CNBD1: variants seen among roughly 807,000 people sequenced by gnomAD.
The protein encoded by CNBD1 is cyclic nucleotide binding domain containing 1.
Under a neutral mutation model 54.4 loss-of-function variants are expected in CNBD1, and 71 were observed. The observed-to-expected ratio is 1.30, with a 90% CI of 1.08 to 1.59. The LOEUF (loss-of-function observed/expected upper bound fraction) is 1.59. Ranked by LOEUF, CNBD1 falls within the 40% of genes most tolerant of loss-of-function variation. The pLI is 0.00. For missense variants in CNBD1, 659 were observed against 518.0 expected, an observed-to-expected ratio of 1.27 and a Z score of -2.64; for synonymous variants, 182 against 170.7, an observed-to-expected ratio of 1.07 and a Z score of -0.51.
At chr8:86,871,845 T>C (rs774241748) in intron 1 of CNBD1, among the ~76,000 whole-genome samples, 3 of 152,206 alleles carry the variant, frequency 2.0e-5, no homozygotes, top group African/African-American at 4.8e-5. Flanking sequence ...AGGTTCAAGG[T>C]AGTGAGAGTC....
intron 4 of CNBD1, among the ~76,000 whole-genome samples, chr8:87,023,939 TTGAAA>T (rs1809542529): frequency 6.6e-6 from 1 of 152,160 alleles, no homozygotes; most frequent in Non-Finnish European, 1.5e-5. Flanking sequence ...TCATTTCGTA[TTGAAA>T]GAGACCTAGC....
At chr8:87,418,889 T>A (rs2130991161) in intron 2 of CNBD1, among the ~76,000 whole-genome samples, 1 of 152,040 alleles carries the variant, frequency 6.6e-6, no homozygotes, top group East Asian at 1.9e-4. Flanking sequence ...TGGAAAATAC[T>A]TTGGCAGTCC....
intron 3 of CNBD1, among the ~76,000 whole-genome samples, chr8:86,913,085 T>C: frequency 6.6e-6 from 1 of 152,186 alleles, no homozygotes; most frequent in Admixed American, 6.5e-5. Context: ...TTAAACACAA[T>C]GAAAAATCTT....
At chr8:87,300,842 G>T (rs1256807554) in intron 8 of CNBD1, among the ~76,000 whole-genome samples, 5 of 151,832 alleles carry the variant, frequency 3.3e-5, no homozygotes, top group Admixed American at 1.3e-4. Context: ...TTTAAAGAGG[G>T]ACAACAAATA....
intron 4 of CNBD1, among the ~76,000 whole-genome samples, chr8:86,998,252 C>T (rs1808921153): frequency 6.6e-6 from 1 of 151,120 alleles, no homozygotes; most frequent in South Asian, 2.1e-4. Context: ...TAACATTGAA[C>T]TCACAGCTGG....
intron 4 of CNBD1, among the ~76,000 whole-genome samples, chr8:87,099,159 G>A (rs1184225096): frequency 6.6e-6 from 1 of 151,436 alleles, no homozygotes; most frequent in Admixed American, 6.6e-5. Flanking sequence ...GAATATCAGC[G>A]CTATTGTAGA....
intron 8 of CNBD1, among the ~76,000 whole-genome samples, chr8:87,329,466 G>T (rs971805824): frequency 6.6e-6 from 1 of 152,016 alleles, no homozygotes; most frequent in Non-Finnish European, 1.5e-5. Context: ...AATTGATATT[G>T]CATAGCATCT....
In CNBD1 at chr8:86,926,065, C is replaced by T. The variant is rs560491275; in HGVS notation, c.273-13531C>T. 2.0e-5 allele frequency among the ~76,000 whole-genome samples: 3 copies of T among 152,182 alleles called. No individual in the cohort carries two copies. In the East Asian group the frequency reaches 5.8e-4, roughly 29 times the overall value. The stretch of plus-strand genomic sequence containing the variant: ...CTATCAGAGTGCGCTTTTTTCAATC[C>T]TCCCCATGATTGGCTACTTTTAGAA... On this transcript the variant is annotated intron_variant, in intron 3 of 10. Coordinates refer to ENST00000518476, the MANE Select transcript of CNBD1 (RefSeq NM_173538.3).
intron 6 of CNBD1, among the ~76,000 whole-genome samples, chr8:87,271,930 A>T (rs1283962904): frequency 1.3e-5 from 2 of 152,086 alleles, no homozygotes; most frequent in East Asian, 3.9e-4. Context: ...CAGCCATAAA[A>T]AAATAAAATC....
rs78332887 is a variant in CNBD1 at position 87,420,689 on chromosome 8, A to G, written c.214-7857A>G. ...TTTGCTATTTAAATATAATGTAATA[A>G]TAATGCTTTAGGCACAACTGATTCC... On this transcript the variant is annotated intron_variant, in intron 2 of 7. Coordinates refer to the CNBD1 transcript ENST00000521593. 5.1e-3 allele frequency among the ~76,000 whole-genome samples: 779 copies of G among 151,948 alleles called. 6 individuals are homozygous for G. The highest frequency in any genetic ancestry group is 0.018 in the African/African-American group (736 of 41,456).
At chr8:87,413,051 T>C (rs1386595513) in intron 2 of CNBD1, among the ~76,000 whole-genome samples, 1 of 151,944 alleles carries the variant, frequency 6.6e-6, no homozygotes, top group Non-Finnish European at 1.5e-5. Flanking sequence ...GGAGGGTATG[T>C]ATTCTAAAAG....
In CNBD1 at chr8:86,889,166, G is replaced by T. The variant is rs181344102; in HGVS notation, c.158+1555G>T. Reference sequence around the variant, plus strand: ...GGGGCCTGGGGGAACAGGTTTTAAGGTATGTGTATATAGGTTTTGCATCAT... The same window carrying T: ...GGGGCCTGGGGGAACAGGTTTTAAGTTATGTGTATATAGGTTTTGCATCAT... On this transcript the variant is annotated intron_variant, in intron 2 of 10. Transcript: ENST00000518476. Among the ~76,000 whole-genome samples, 145 of 152,194 alleles carry T rather than the reference G, an allele frequency of 9.5e-4. No individual in the cohort carries two copies. The Middle Eastern group carries it at 0.01, about 11-fold the overall frequency.
rs1214203237 is a variant in CNBD1 at position 87,076,022 on chromosome 8, C to T, written c.432-129971C>T. ...ATACTAAAGAAAAATATTATACATA[C>T]ACTAGTGGTGTAAATCAGGATACAT... On this transcript the variant is annotated intron_variant, in intron 4 of 10. Coordinates refer to ENST00000518476, the MANE Select transcript of CNBD1 (RefSeq NM_173538.3). Among the ~76,000 whole-genome samples, 27 of 152,146 alleles carry T rather than the reference C, an allele frequency of 1.8e-4. 1 individual carries two copies. Among genetic ancestry groups the T allele is most frequent in the Admixed American group, 1.8e-3 (27 of 15,264 alleles).
intron 6 of CNBD1, among the ~76,000 whole-genome samples, chr8:87,253,807 C>A (rs991297242): frequency 6.6e-6 from 1 of 151,914 alleles, no homozygotes; most frequent in African/African-American, 2.4e-5. Context: ...TGATGAACAA[C>A]AAAAACAACA....
chr8:87,420,239 C>CA (rs1807908702), intron 2 of CNBD1, among the ~76,000 whole-genome samples: 1 of 151,838 alleles, frequency 6.6e-6, no homozygotes, highest in African/African-American at 2.4e-5. Flanking sequence ...TTTGTGTAAG[C>CA]ACTATAATGA....
At chr8:87,232,166 A>G (rs1022393045) in intron 5 of CNBD1, among the ~76,000 whole-genome samples, 3 of 152,120 alleles carry the variant, frequency 2.0e-5, no homozygotes, top group East Asian at 1.9e-4. Flanking sequence ...GCTTCTTTAC[A>G]CATTTTCTTC....
At chr8:87,425,514 T>C (rs1808029994) in intron 2 of CNBD1, among the ~76,000 whole-genome samples, 2 of 152,168 alleles carry the variant, frequency 1.3e-5, no homozygotes, top group Non-Finnish European at 2.9e-5. Context: ...ATGTCCTTTC[T>C]GTTTGTTAGT....
At chr8:86,961,962 G>A (rs895201235) in intron 4 of CNBD1, among the ~76,000 whole-genome samples, 1 of 152,136 alleles carries the variant, frequency 6.6e-6, no homozygotes, top group African/African-American at 2.4e-5. Flanking sequence ...CTAACCCTAG[G>A]GGTGGAGCAC....
chr8:87,396,800 C>T (rs1185342932), intron 2 of CNBD1, among the ~76,000 whole-genome samples: 1 of 151,488 alleles, frequency 6.6e-6, no homozygotes, highest in Admixed American at 6.6e-5. Flanking sequence ...TTTTCAAATA[C>T]CACCCCCTCG....
Sources: allele counts gnomAD v4.1 joint callset (sites outside exome capture counted in the v4.1 genomes callset), GRCh38; gene constraint gnomAD v4.1.1; transcripts MANE v1.5; gene names NCBI Gene and HGNC (gene_info 2026-07-23, HGNC 2026-07-21).